Variants in ENOX1 observed in about 807,000 individuals in gnomAD.
The protein encoded by ENOX1 is ecto-NOX disulfide-thiol exchanger 1, also known as candidate growth-related and time keeping constitutive hydroquinone (NADH) oxidase.
ENOX1 carries 42 observed loss-of-function variants against 82.5 expected under a neutral mutation model. The ratio of observed to expected loss-of-function variants is 0.51; its 90% CI spans 0.40 to 0.66. The LOEUF (loss-of-function observed/expected upper bound fraction) is 0.66. Ranked by LOEUF, ENOX1 falls within the 30% of genes least tolerant of loss-of-function variation. The pLI, the probability that ENOX1 is intolerant of heterozygous loss-of-function variation, is 0.00. For missense variants in ENOX1, 608 were observed against 811.6 expected (o/e 0.75, Z 3.05); for synonymous variants, 271 against 282.2 (o/e 0.96, Z 0.40).
At chr13:43,698,404 CCTAA>C (rs989967440) in intron 1 of ENOX1, among the ~76,000 whole-genome samples, 2 of 152,018 alleles carry the variant, frequency 1.3e-5, no homozygotes, top group African/African-American at 4.8e-5. Context: ...CTCCAAAGAC[CCTAA>C]CTGTTAGAGT....
At chr13:43,365,634 G>C (rs757440180) in intron 5 of ENOX1, among the ~76,000 whole-genome samples, 5 of 152,178 alleles carry the variant, frequency 3.3e-5, no homozygotes, top group Non-Finnish European at 5.9e-5. Context: ...TAGGCCAATT[G>C]GCAGGTTACC....
chr13:43,501,527 A>AAATCTTTTAATC (rs2076980512), intron 2 of ENOX1, among the ~76,000 whole-genome samples: 3 of 151,784 alleles, frequency 2.0e-5, no homozygotes, highest in Non-Finnish European at 3.0e-5. Context: ...ACAAATCTTT[A>AAATCTTTTAATC]TTTTAAAAAG....
chr13:43,537,871 C>T (rs2078532536), intron 2 of ENOX1, among the ~76,000 whole-genome samples: 2 of 152,206 alleles, frequency 1.3e-5, no homozygotes, highest in South Asian at 4.1e-4. Context: ...GTATGGGGCA[C>T]CCCCTGCATC....
intron 2 of ENOX1, among the ~76,000 whole-genome samples, chr13:43,534,089 T>G (rs1485356742): frequency 6.6e-6 from 1 of 152,168 alleles, no homozygotes; most frequent in Admixed American, 6.6e-5. Context: ...TTTACTGTTG[T>G]AAACCAAGCC....
intron 8 of ENOX1, among the ~76,000 whole-genome samples, chr13:43,353,459 T>C (rs191927183): frequency 6.6e-6 from 1 of 152,354 alleles, no homozygotes; most frequent in Admixed American, 6.5e-5. Flanking sequence ...ATTTTCAGAT[T>C]GCATTTCCAT....
chr13:43,572,980 G>T (rs1296966402), intron 2 of ENOX1, among the ~76,000 whole-genome samples: 4 of 152,300 alleles, frequency 2.6e-5, no homozygotes, highest in Non-Finnish European at 5.9e-5. Context: ...TATAAATTAT[G>T]CATTCTTCGA....
chr13:43,623,191 T>C (rs919771483), intron 2 of ENOX1, among the ~76,000 whole-genome samples: 2 of 152,038 alleles, frequency 1.3e-5, no homozygotes, highest in African/African-American at 4.8e-5. Context: ...TGCCTCCAAC[T>C]ACGAAAGAAA....
intron 12 of ENOX1, among the ~76,000 whole-genome samples, chr13:43,297,657 A>T (rs1227099165): frequency 6.6e-6 from 1 of 152,138 alleles, no homozygotes; most frequent in Non-Finnish European, 1.5e-5. Context: ...TTTATATCCC[A>T]CAGTACCTGT....
At chr13:43,635,172 A>G (rs899422983) in intron 2 of ENOX1, among the ~76,000 whole-genome samples, 8 of 152,214 alleles carry the variant, frequency 5.3e-5, no homozygotes, top group African/African-American at 1.9e-4. Flanking sequence ...ATACCTGTGA[A>G]GTGATAAAAG....
chr13:43,534,716 T>C (rs2078376615), intron 2 of ENOX1, among the ~76,000 whole-genome samples: 1 of 152,176 alleles, frequency 6.6e-6, no homozygotes, highest in Admixed American at 6.5e-5. Flanking sequence ...AATTTTGCTC[T>C]CCAGGAGACA....
chr13:43,436,423 A>G (rs920208664), intron 3 of ENOX1, among the ~76,000 whole-genome samples: 3 of 152,230 alleles, frequency 2.0e-5, no homozygotes, highest in East Asian at 1.9e-4. Flanking sequence ...CAACATAGAA[A>G]GTAATCTCAG....
Position 43,361,440 on chromosome 13 carries a change from A to G in ENOX1, c.221T>C (p.Val74Ala). The G allele has an allele frequency of 1.9e-6, 3 of 1,611,736 alleles. No individual in the cohort carries two copies. Among genetic ancestry groups the G allele is most frequent in the South Asian group, 2.2e-5 (2 of 90,214 alleles). Residue 74 changes from valine (V) to alanine (A), a missense_variant, in exon 6 of 17, where the codon GTC becomes GCC. Transcript: ENST00000690772. The part of the protein sequence containing the change: ...GQQLVSDSIC[V>A]PGFDPSLNMM... ...GTTGAGGCTTGGATCAAAGCCTGGG[A>G]CACAGATTGAGTCTGTAAAGTATAC...
At chr13:43,227,737 T>C (rs1437069082) in intron 15 of ENOX1, among the ~76,000 whole-genome samples, 1 of 152,200 alleles carries the variant, frequency 6.6e-6, no homozygotes, top group African/African-American at 2.4e-5. Context: ...GAACCATCTC[T>C]GTGGTAGCTG....
chr13:43,434,761 T>A (rs1395390341), intron 3 of ENOX1, among the ~76,000 whole-genome samples: 1 of 152,132 alleles, frequency 6.6e-6, no homozygotes, highest in East Asian at 1.9e-4. Context: ...AGGATGAGGC[T>A]AAAATGAGTA....
intron 2 of ENOX1, among the ~76,000 whole-genome samples, chr13:43,655,526 C>T (rs2084389572): frequency 6.6e-6 from 1 of 152,232 alleles, no homozygotes; most frequent in South Asian, 2.1e-4. Flanking sequence ...CATGCACCAA[C>T]TGTCTTCCTC....
intron 5 of ENOX1, among the ~76,000 whole-genome samples, chr13:43,410,540 C>T (rs964714272): frequency 1.3e-5 from 2 of 151,478 alleles, no homozygotes; most frequent in African/African-American, 4.9e-5. Context: ...GTCTCTTATC[C>T]ATTTTCATAT....
At chr13:43,484,819 C>T (rs1226683783) in intron 2 of ENOX1, among the ~76,000 whole-genome samples, 1 of 152,156 alleles carries the variant, frequency 6.6e-6, no homozygotes, top group Non-Finnish European at 1.5e-5. Context: ...TCAGTCAGGC[C>T]CACATAAATA....
At chr13:43,441,286 T>C (rs1477148937) in intron 3 of ENOX1, among the ~76,000 whole-genome samples, 1 of 152,228 alleles carries the variant, frequency 6.6e-6, no homozygotes, top group East Asian at 1.9e-4. Flanking sequence ...GAAAAAAAAT[T>C]CCTTATTAAC....
rs139406572 is a variant in ENOX1, at chr13:43,328,932, T to A, written c.1037-2407A>T. Among the ~76,000 whole-genome samples, 193 of 152,258 alleles carry A rather than the reference T, an allele frequency of 1.3e-3. 4 individuals carry two copies. The East Asian group carries it at 0.024, about 19-fold the overall frequency. ...AGTCTTGTCTTTGATGCAATCATAGTCTCGGAAGAGAAAGAAAGACAAGCA... is the reference window on the plus strand; with the variant it reads ...AGTCTTGTCTTTGATGCAATCATAGACTCGGAAGAGAAAGAAAGACAAGCA... On this transcript the variant is annotated intron_variant, in intron 9 of 16. Coordinates refer to ENST00000690772, the MANE Select transcript of ENOX1 (RefSeq NM_001347969.2).
Sources: gnomAD v4.1 joint callset for allele counts (sites outside exome capture counted in the v4.1 genomes callset) on GRCh38, gnomAD v4.1.1 for gene constraint, MANE v1.5 for transcripts, NCBI Gene and HGNC (gene_info 2026-07-23, HGNC 2026-07-21) for gene names.